Variants in ATF7IP2 observed in about 807,000 individuals in gnomAD.
The protein encoded by ATF7IP2 is activating transcription factor 7-interacting protein 2.
In ATF7IP2, 42 loss-of-function variants were observed where a neutral mutation model predicts 64.2. The ratio of observed to expected loss-of-function variants is 0.65; its 90% CI spans 0.51 to 0.85. ATF7IP2 has a LOEUF of 0.85. Among genes scored for constraint, ATF7IP2 ranks in the 40% least tolerant of loss-of-function variants. The pLI is 0.00. For missense variants in ATF7IP2, 933 were observed against 784.2 expected (o/e 1.19, Z -2.27); for synonymous variants, 308 against 272.8 (o/e 1.13, Z -1.27).
chr16:10,443,898 A>C (rs2048714037), intron 8 of ATF7IP2, among the ~76,000 whole-genome samples: 1 of 152,128 alleles, frequency 6.6e-6, no homozygotes, highest in Admixed American at 6.6e-5. Context: ...AGCGATATAG[A>C]GATAAGGCTT....
At chr16:10,447,557 G>A (rs368493145) in intron 8 of ATF7IP2, 12 of 152,302 alleles carry the variant, frequency 7.9e-5, no homozygotes, top group South Asian at 2.1e-4. Context: ...AGAGCACACC[G>A]AACAAAGGAA....
At chr16:10,446,752 A>T (rs1328071849) in intron 8 of ATF7IP2, 2 of 152,024 alleles carry the variant, frequency 1.3e-5, no homozygotes, top group South Asian at 4.2e-4. Context: ...TATTGCTGCT[A>T]GTGTTATCCT....
At chr16:10,388,872 C>T (rs1016532442) in intron 1 of ATF7IP2, among the ~76,000 whole-genome samples, 2 of 152,062 alleles carry the variant, frequency 1.3e-5, no homozygotes, top group East Asian at 1.9e-4. Context: ...ATTAGCCGGG[C>T]GTGGTGGCCG....
chr16:10,436,103 A>T (rs953715541), intron 6 of ATF7IP2, among the ~76,000 whole-genome samples: 9 of 152,168 alleles, frequency 5.9e-5, no homozygotes, highest in Non-Finnish European at 1.0e-4. Flanking sequence ...GCTCACGCTT[A>T]TAATCCTAGC....
At chr16:10,392,054 A>ATTTTTT (rs1246755590) in intron 1 of ATF7IP2, among the ~76,000 whole-genome samples, 2 of 100,442 alleles carry the variant, frequency 2.0e-5, no homozygotes, top group African/African-American at 8.9e-5. Context: ...TGGTTGTATT[A>ATTTTTT]TCTTTTTTTT....
chr16:10,441,302 T>C (rs1333436790), intron 8 of ATF7IP2, among the ~76,000 whole-genome samples: 1 of 152,210 alleles, frequency 6.6e-6, no homozygotes, highest in Non-Finnish European at 1.5e-5. Context: ...TAGTTCTGGT[T>C]CTATAGATCC....
At chr16:10,430,404 G>A (rs959381399) in intron 4 of ATF7IP2, among the ~76,000 whole-genome samples, 1 of 152,138 alleles carries the variant, frequency 6.6e-6, no homozygotes, top group Non-Finnish European at 1.5e-5. Flanking sequence ...TTGAATTTAT[G>A]TAGTTTAGAT....
chr16:10,412,705 A>G (rs2047796216), intron 1 of ATF7IP2, among the ~76,000 whole-genome samples: 2 of 152,126 alleles, frequency 1.3e-5, no homozygotes, highest in African/African-American at 4.8e-5. Flanking sequence ...GTTTCAGGGT[A>G]TAGTTTAAAT....
chr16:10,440,594 C>T, intron 8 of ATF7IP2, 132 bp downstream of exon 8: 1 of 564,336 alleles, frequency 1.8e-6, no homozygotes, highest in South Asian at 2.5e-5. Context: ...AGAGTGTTCC[C>T]ATGCATCTGT....
At chr16:10,474,545 T>C (rs1355336165) in intron 12 of ATF7IP2, among the ~76,000 whole-genome samples, 2 of 152,014 alleles carry the variant, frequency 1.3e-5, no homozygotes, top group Non-Finnish European at 2.9e-5. Flanking sequence ...AACATGAAAA[T>C]GTAGACAGAG....
chr16:10,408,139 T>C lies in ATF7IP2; in HGVS notation c.-241-6435T>C, dbSNP rs551518029. Among the ~76,000 whole-genome samples, 6 of 152,274 alleles carry C rather than the reference T, an allele frequency of 3.9e-5. No individual in the cohort carries two copies. The East Asian group carries it at 1.2e-3, about 29-fold the overall frequency. On this transcript the variant is annotated intron_variant, in intron 1 of 13. Transcript: ENST00000562102. The stretch of plus-strand genomic sequence containing the variant: ...GTTGGCCAGGATGATCTTGATTTCC[T>C]GACCTCGCGATCCACCTGCCTTGGC...
At chr16:10,419,410 G>C (rs2047947046) in intron 2 of ATF7IP2, among the ~76,000 whole-genome samples, 171 bp from the exon 3 acceptor site, 1 of 152,110 alleles carries the variant, frequency 6.6e-6, no homozygotes, top group African/African-American at 2.4e-5. Context: ...CCACTGGGGG[G>C]TCCAGCCAAG....
chr16:10,430,562 CT>C (rs544687398), intron 4 of ATF7IP2, 48 bp from the exon 5 acceptor site: 96 of 1,173,826 alleles, frequency 8.2e-5, no homozygotes, highest in Admixed American at 6.9e-4. Context: ...TAGTAAATAA[CT>C]TTTATTCACT....
At chr16:10,397,460 TATATA>T (rs2047441952) in intron 1 of ATF7IP2, among the ~76,000 whole-genome samples, 1 of 152,176 alleles carries the variant, frequency 6.6e-6, no homozygotes, top group Non-Finnish European at 1.5e-5. Flanking sequence ...TCTTCCAAAA[TATATA>T]AGGAACTCAA....
intron 6 of ATF7IP2, among the ~76,000 whole-genome samples, chr16:10,436,858 G>C (rs1386911776): frequency 6.6e-6 from 1 of 151,794 alleles, no homozygotes; most frequent in Non-Finnish European, 1.5e-5. Context: ...ATATCAGTGG[G>C]CATTGAAATT....
intron 12 of ATF7IP2, among the ~76,000 whole-genome samples, chr16:10,479,012 A>C (rs1383831571): frequency 6.6e-6 from 1 of 151,446 alleles, no homozygotes; most frequent in Non-Finnish European, 1.5e-5. Flanking sequence ...CAGGTGCTGG[A>C]GAGGATGTGG....
intron 3 of ATF7IP2, among the ~76,000 whole-genome samples, chr16:10,427,340 G>A (rs1405203204): frequency 6.6e-6 from 1 of 152,174 alleles, no homozygotes; most frequent in Non-Finnish European, 1.5e-5. Context: ...CTTTATCCAA[G>A]TAGATTGGCT....
intron 1 of ATF7IP2, among the ~76,000 whole-genome samples, chr16:10,396,105 A>G (rs1216027194): frequency 6.6e-6 from 1 of 152,212 alleles, no homozygotes; most frequent in African/African-American, 2.4e-5. Flanking sequence ...TTTTATTTCC[A>G]TATACTTGCA....
At chr16:10,424,461 C>G (rs977107927) in intron 3 of ATF7IP2, among the ~76,000 whole-genome samples, 22 of 152,144 alleles carry the variant, frequency 1.4e-4, no homozygotes, top group Non-Finnish European at 2.4e-4. Context: ...TTGCTAAAAA[C>G]ACACGTAAAT....
Sources: gnomAD v4.1 joint callset for allele counts (sites outside exome capture counted in the v4.1 genomes callset) on GRCh38, gnomAD v4.1.1 for gene constraint, MANE v1.5 for transcripts, NCBI Gene and HGNC (gene_info 2026-07-23, HGNC 2026-07-21) for gene names.